Variants in AKT3 observed in about 807,000 individuals in gnomAD.
AKT3 encodes the protein AKT serine/threonine kinase 3.
In AKT3, 15 loss-of-function variants were observed where a neutral mutation model predicts 65.3. That is an observed-to-expected ratio of 0.23 (90% CI 0.15 to 0.35). The LOEUF is 0.35. AKT3 is among the 10% of genes least tolerant of loss of function. The pLI is 1.00. For missense variants in AKT3, 243 were observed against 576.5 expected (o/e 0.42, Z 5.92); for synonymous variants, 206 against 183.8 (o/e 1.12, Z -0.98).
chr1:243,644,200 A>G lies in AKT3; in HGVS notation c.429+1693T>C, dbSNP rs1272557751. 1.3e-5 allele frequency among the ~76,000 whole-genome samples: 2 copies of G among 152,218 alleles called. 1 individual carries two copies. The highest frequency in any genetic ancestry group is 6.3e-3 in the Middle Eastern group (2 of 316). ...TAATTTTTATGCTTATAATGAAGTT[A>G]TATTAGAAACAAAATTATGCAGATA... On this transcript the variant is annotated intron_variant, in intron 5 of 13. Coordinates refer to ENST00000673466, the MANE Select transcript of AKT3 (RefSeq NM_005465.7).
chr1:243,528,313 A>G (rs1671293730), intron 12 of AKT3, among the ~76,000 whole-genome samples: 1 of 151,872 alleles, frequency 6.6e-6, no homozygotes, highest in Non-Finnish European at 1.5e-5. Context: ...TTAACTCTTC[A>G]ATTTTCTCTA....
At chr1:243,614,450 A>T (rs1234859034) in intron 7 of AKT3, among the ~76,000 whole-genome samples, 2 of 152,156 alleles carry the variant, frequency 1.3e-5, no homozygotes, top group Non-Finnish European at 2.9e-5. Flanking sequence ...TTTACCAATT[A>T]TCCCTATATT....
At chr1:243,808,998 A>G (rs1454351485) in intron 2 of AKT3, among the ~76,000 whole-genome samples, 1 of 152,226 alleles carries the variant, frequency 6.6e-6, no homozygotes, top group African/African-American at 2.4e-5. Flanking sequence ...TTTTGTCACC[A>G]CCAGGTCTGC....
At chr1:243,510,017 T>C (rs1352734830) in intron 13 of AKT3, among the ~76,000 whole-genome samples, 2 of 152,202 alleles carry the variant, frequency 1.3e-5, no homozygotes, top group East Asian at 3.8e-4. Context: ...AAATATCTAC[T>C]CCTGGCTTGA....
intron 4 of AKT3, among the ~76,000 whole-genome samples, chr1:243,658,690 T>A (rs1313020362): frequency 3.9e-5 from 6 of 151,912 alleles, no homozygotes; most frequent in South Asian, 4.1e-4. Context: ...GTTGCACTAT[T>A]CGCAATAGCC....
intron 2 of AKT3, among the ~76,000 whole-genome samples, chr1:243,791,460 C>A (rs1691627126): frequency 6.6e-6 from 1 of 152,160 alleles, no homozygotes; most frequent in South Asian, 2.1e-4. Flanking sequence ...ACGCAATACG[C>A]CTAAAAACAA....
At chr1:243,577,401 C>T (rs1574640354) in intron 8 of AKT3, among the ~76,000 whole-genome samples, 1 of 152,276 alleles carries the variant, frequency 6.6e-6, no homozygotes, top group South Asian at 2.1e-4. Context: ...CCCACTTCAG[C>T]CTCTCAAAGC....
chr1:243,656,002 T>C (rs978125784), intron 4 of AKT3, among the ~76,000 whole-genome samples: 2 of 151,944 alleles, frequency 1.3e-5, no homozygotes, highest in Non-Finnish European at 2.9e-5. Context: ...CTTTTCCAGC[T>C]TCACTAGTGG....
chr1:243,652,515 C>A (rs1393212072), intron 4 of AKT3, among the ~76,000 whole-genome samples: 1 of 152,058 alleles, frequency 6.6e-6, no homozygotes, highest in Non-Finnish European at 1.5e-5. Flanking sequence ...AAAAGACCAT[C>A]AACACTATGA....
At chr1:243,697,125 T>C (rs1270449502) in intron 2 of AKT3, among the ~76,000 whole-genome samples, 2 of 151,972 alleles carry the variant, frequency 1.3e-5, no homozygotes, top group East Asian at 3.8e-4. Context: ...TATTCGAAAT[T>C]GAAAATAGAT....
At chr1:243,849,983 C>A in intron 1 of AKT3, 57 bp downstream of exon 1, 1 of 972,328 alleles carries the variant, frequency 1.0e-6, no homozygotes, top group Non-Finnish European at 1.2e-6. Context: ...GCCCGGGGCC[C>A]GGAGGGAGTG....
intron 2 of AKT3, 150 bp downstream of exon 2, chr1:243,842,975 T>C: frequency 1.2e-6 from 1 of 819,272 alleles, no homozygotes; most frequent in South Asian, 2.9e-5. Flanking sequence ...AACAAGCAAA[T>C]TCCTAACACA....
intron 2 of AKT3, among the ~76,000 whole-genome samples, chr1:243,712,767 C>T (rs1686243109): frequency 6.6e-6 from 1 of 152,126 alleles, no homozygotes; most frequent in Non-Finnish European, 1.5e-5. Flanking sequence ...ATAAACCAGA[C>T]ATTTAAGTAA....
At chr1:243,810,078 C>T (rs560727935) in intron 2 of AKT3, among the ~76,000 whole-genome samples, 2 of 152,126 alleles carry the variant, frequency 1.3e-5, no homozygotes, top group African/African-American at 2.4e-5. Flanking sequence ...CAAGAGAAAG[C>T]AGGAAAGATC....
chr1:243,560,202 T>C (rs1339294269), intron 10 of AKT3, among the ~76,000 whole-genome samples: 1 of 152,128 alleles, frequency 6.6e-6, no homozygotes, highest in Non-Finnish European at 1.5e-5. Flanking sequence ...AGTTATTTTC[T>C]TGCACAGTAA....
intron 2 of AKT3, among the ~76,000 whole-genome samples, chr1:243,724,868 T>C (rs1446732939): frequency 2.0e-5 from 3 of 152,156 alleles, no homozygotes; most frequent in African/African-American, 7.2e-5. Context: ...ACTATTGTTA[T>C]AAAATATCCT....
intron 2 of AKT3, among the ~76,000 whole-genome samples, chr1:243,762,832 T>G (rs2148249840): frequency 6.6e-6 from 1 of 152,202 alleles, no homozygotes; most frequent in South Asian, 2.1e-4. Flanking sequence ...TAATGTTGGC[T>G]TATGGATCTG....
chr1:243,521,742 T>C (rs1670730730), intron 12 of AKT3, among the ~76,000 whole-genome samples: 1 of 152,326 alleles, frequency 6.6e-6, no homozygotes, highest in South Asian at 2.1e-4. Flanking sequence ...ACTTTAACTA[T>C]AAAAGACATT....
At chr1:243,544,683 T>C (rs1437570651) in intron 12 of AKT3, among the ~76,000 whole-genome samples, 1 of 144,198 alleles carries the variant, frequency 6.9e-6, no homozygotes, top group African/African-American at 2.5e-5. Flanking sequence ...CATATGTAAT[T>C]AGTAGTGGTT....
Sources: allele counts gnomAD v4.1 joint callset (sites outside exome capture counted in the v4.1 genomes callset), GRCh38; gene constraint gnomAD v4.1.1; transcripts MANE v1.5; gene names NCBI Gene and HGNC (gene_info 2026-07-23, HGNC 2026-07-21).